MED12L: variants seen among roughly 807,000 people sequenced by gnomAD.
MED12L encodes the protein mediator of RNA polymerase II transcription subunit 12-like protein.
In MED12L, 60 loss-of-function variants were observed where a neutral mutation model predicts 281.3. The observed-to-expected ratio is 0.21, with a 90% confidence interval of 0.17 to 0.26. The LOEUF (loss-of-function observed/expected upper bound fraction) is 0.26, where lower values mean the gene tolerates loss of function less well. Among genes scored for constraint, MED12L ranks in the 10% least tolerant of loss-of-function variants. The probability of loss-of-function intolerance (pLI) is 1.00; values close to 1 mark genes in which losing one functional copy is unlikely to be tolerated. For missense variants in MED12L, 2,146 were observed against 2,680.9 expected, an observed-to-expected ratio of 0.80 and a Z score of 4.41; for synonymous variants, 974 against 987.2, an observed-to-expected ratio of 0.99 and a Z score of 0.25.
At chr3:151,166,442 TAA>T (rs1415934376) in intron 11 of MED12L, among the ~76,000 whole-genome samples, 1 of 152,038 alleles carries the variant, frequency 6.6e-6, no homozygotes, top group Non-Finnish European at 1.5e-5. Flanking sequence ...AAGTGTGTGT[TAA>T]GTGTATGTAT....
At chr3:151,193,952 T>A (rs570033232) in intron 16 of MED12L, among the ~76,000 whole-genome samples, 110 of 143,760 alleles carry the variant, frequency 7.7e-4, no homozygotes, top group Non-Finnish European at 1.4e-3. Flanking sequence ...TCTAAATGTG[T>A]TTTTTTTCTT....
In MED12L at chr3:151,214,343, G is replaced by A; in HGVS notation, c.2250+20677G>A. ...TTGTAACTTCTGAAGGCAGAGGCCT[G>A]AAAAGAGGTGTGAACTGGTCACTCA... On this transcript the variant is annotated intron_variant, in intron 16 of 44. Coordinates refer to ENST00000687756, the MANE Select transcript of MED12L (RefSeq NM_001393769.1). The A allele has an allele frequency of 2.5e-6, 4 of 1,596,594 alleles. No homozygotes were observed. The South Asian group carries it at 3.4e-5, about 14-fold the overall frequency.
At chr3:151,199,354 A>G (rs1231335534) in intron 16 of MED12L, 43 of 1,612,874 alleles carry the variant, frequency 2.7e-5, no homozygotes, top group Non-Finnish European at 3.6e-5. Context: ...CCAGATCTTT[A>G]TAAACTGGGC....
At chr3:151,387,671 A>G (rs1265709817) in intron 36 of MED12L, 139 bp from the exon 37 acceptor site, 2 of 943,848 alleles carry the variant, frequency 2.1e-6, no homozygotes, top group Admixed American at 2.4e-5. Context: ...GTAGCTGTGT[A>G]ACCCTCTCTG....
intron 44 of MED12L, among the ~76,000 whole-genome samples, chr3:151,432,451 T>C (rs1719643486): frequency 6.6e-6 from 1 of 152,254 alleles, no homozygotes; most frequent in African/African-American, 2.4e-5. Context: ...AAACTTTTAC[T>C]GTATTCCTTT....
chr3:151,400,128 T>C (rs1277352219), intron 39 of MED12L, among the ~76,000 whole-genome samples: 1 of 152,006 alleles, frequency 6.6e-6, no homozygotes, highest in African/African-American at 2.4e-5. Flanking sequence ...CGCCAGGCCT[T>C]AAGGAACTTT....
chr3:151,427,882 A>G (rs1158869560), intron 43 of MED12L, among the ~76,000 whole-genome samples: 1 of 152,222 alleles, frequency 6.6e-6, no homozygotes, highest in African/African-American at 2.4e-5. Context: ...ACAGTGAAAT[A>G]AGTCTGCAAG....
intron 39 of MED12L, among the ~76,000 whole-genome samples, chr3:151,407,494 G>T (rs2131102): frequency 6.6e-6 from 1 of 152,180 alleles, no homozygotes; most frequent in East Asian, 1.9e-4. Flanking sequence ...TATGATGCTA[G>T]TGTCCAGGAG....
intron 32 of MED12L, among the ~76,000 whole-genome samples, chr3:151,382,194 A>G (rs992524426): frequency 6.6e-6 from 1 of 152,186 alleles, no homozygotes; most frequent in Admixed American, 6.5e-5. Context: ...TCTCTTTATC[A>G]AGGAAGACAC....
At chr3:151,206,612 TTTC>T (rs1726397030) in intron 16 of MED12L, among the ~76,000 whole-genome samples, 1 of 151,176 alleles carries the variant, frequency 6.6e-6, no homozygotes, top group African/African-American at 2.4e-5. Flanking sequence ...TTATGGTCCA[TTTC>T]TTATGAACTT....
intron 16 of MED12L, among the ~76,000 whole-genome samples, chr3:151,232,390 G>A (rs912341333): frequency 6.6e-6 from 1 of 152,110 alleles, no homozygotes; most frequent in Non-Finnish European, 1.5e-5. Flanking sequence ...CATTCTGATT[G>A]GTGTGAAAAC....
Position 151,376,794 on chromosome 3 carries a change from T to C in MED12L, c.4054-6T>C, listed in dbSNP as rs767248622. 1.4e-5 allele frequency: 22 copies of C among 1,612,550 alleles called. No homozygotes were observed. The East Asian group carries it at 2.2e-4, about 16-fold the overall frequency. On this transcript the variant is annotated splice_polypyrimidine_tract_variant and splice_region_variant and intron_variant, in intron 28 of 44. Coordinates refer to ENST00000687756, the MANE Select transcript of MED12L (RefSeq NM_001393769.1). The stretch of plus-strand genomic sequence containing the variant: ...ATAATGTTTTAATTCTTTCCATTTT[T>C]CCCAGAATCTTGAGCAGTGGACACT...
intron 39 of MED12L, among the ~76,000 whole-genome samples, chr3:151,402,381 C>T (rs993111083): frequency 6.6e-6 from 1 of 152,142 alleles, no homozygotes; most frequent in African/African-American, 2.4e-5. Flanking sequence ...AAACAGTGGT[C>T]GCACTATAAA....
intron 43 of MED12L, among the ~76,000 whole-genome samples, chr3:151,423,827 T>C (rs1021583341): frequency 3.3e-5 from 5 of 152,228 alleles, no homozygotes; most frequent in African/African-American, 1.2e-4. Flanking sequence ...ACTCAGGTTG[T>C]CTTAGTTTGG....
intron 16 of MED12L, among the ~76,000 whole-genome samples, chr3:151,322,631 A>G (rs1749123913): frequency 6.6e-6 from 1 of 152,022 alleles, no homozygotes; most frequent in Non-Finnish European, 1.5e-5. Context: ...ATAGTTGTAG[A>G]TTCATCACTT....
chr3:151,184,861 G>A (rs1274060359), intron 11 of MED12L, among the ~76,000 whole-genome samples: 1 of 152,118 alleles, frequency 6.6e-6, no homozygotes. Flanking sequence ...TTCTAATTTT[G>A]TATTGGAGTG....
At chr3:151,130,916 C>T (rs553600740) in intron 5 of MED12L, among the ~76,000 whole-genome samples, 10 of 152,288 alleles carry the variant, frequency 6.6e-5, no homozygotes, top group East Asian at 1.9e-4. Context: ...TGAAGGACTT[C>T]GCTAGATTTG....
intron 43 of MED12L, among the ~76,000 whole-genome samples, chr3:151,424,820 G>A (rs1243506152): frequency 6.6e-6 from 1 of 152,170 alleles, no homozygotes; most frequent in Non-Finnish European, 1.5e-5. Context: ...TTCCGCTGCC[G>A]CTTGTAGGGA....
intron 16 of MED12L, chr3:151,336,365 T>A: frequency 5.4e-6 from 2 of 371,546 alleles, no homozygotes; most frequent in Middle Eastern, 5.7e-4. Flanking sequence ...GAATACCACT[T>A]AGTAGTTAAA....
Sources: gnomAD v4.1 joint callset for allele counts (sites outside exome capture counted in the v4.1 genomes callset) on GRCh38, gnomAD v4.1.1 for gene constraint, MANE v1.5 for transcripts, NCBI Gene and HGNC (gene_info 2026-07-23, HGNC 2026-07-21) for gene names.